The following XRN1 variants were observed in gnomAD, a reference collection of about 807,000 sequenced individuals.
XRN1 encodes 5'-3' exoribonuclease 1, also known as strand-exchange protein 1 homolog.
A neutral mutation model predicts 222.3 loss-of-function variants in XRN1; 67 were observed. That is an observed-to-expected ratio of 0.30 (90% confidence interval 0.25 to 0.37). The LOEUF (loss-of-function observed/expected upper bound fraction) is 0.37, where lower values mean the gene tolerates loss of function less well. XRN1 is among the 10% of genes least tolerant of loss of function. XRN1 has a pLI of 1.00. For missense variants in XRN1, 1,707 were observed against 2,000.2 expected (o/e 0.85, Z 2.80); for synonymous variants, 643 against 652.4 (o/e 0.99, Z 0.22).
intron 37 of XRN1, among the ~76,000 whole-genome samples, chr3:142,319,928 ACACG>A (rs1417606680): frequency 1.3e-5 from 2 of 151,966 alleles, no homozygotes; most frequent in African/African-American, 2.4e-5. Context: ...ACACACACAC[ACACG>A]CACGCACACA....
intron 27 of XRN1, among the ~76,000 whole-genome samples, chr3:142,369,074 G>C (rs1055853460): frequency 6.6e-6 from 1 of 152,172 alleles, no homozygotes; most frequent in Non-Finnish European, 1.5e-5. Flanking sequence ...GGTGTTAGGG[G>C]AGACAGCTCC....
chr3:142,347,429 A>T, intron 32 of XRN1, 87 bp from the exon 33 acceptor site: 1 of 874,222 alleles, frequency 1.1e-6, no homozygotes, highest in Non-Finnish European at 1.6e-6. Context: ...ACATTTTTAT[A>T]AAAATTATAT....
Position 142,384,683 on chromosome 3 carries a change from T to C in XRN1, c.2342A>G (p.Tyr781Cys), listed in dbSNP as rs774274467. Residue 781 changes from tyrosine (Y) to cysteine (C), a missense_variant and splice_region_variant, in exon 21 of 41, where the codon TAC becomes TGC. Tyr to Cys is a radical substitution (Grantham distance 194, BLOSUM62 -2). This residue lies in a region of XRN1 where 1,234 missense variants were observed against 1,518.2 expected (regional missense o/e 0.81). Transcript: ENST00000392981. Reference protein sequence around the residue: ...AKEVQGISEHYLRRKGIIINE... With the variant: ...AKEVQGISEHCLRRKGIIINE... ...TATTATTATTCCTTTTCTTCTCAGGTAGCTAAAATAAAGAATAAACATGAA... is the reference window on the plus strand; with the variant it reads ...TATTATTATTCCTTTTCTTCTCAGGCAGCTAAAATAAAGAATAAACATGAA... The C allele has an allele frequency of 8.8e-6, 14 of 1,582,448 alleles. No individual in the cohort carries two copies. The South Asian group carries it at 1.6e-4, about 19-fold the overall frequency.
rs761004184 is a variant in XRN1 at position 142,370,520 on chromosome 3, C to G, written c.3169G>C (p.Val1057Leu). 1.2e-6 allele frequency: 2 copies of G among 1,606,842 alleles called. No individual in the cohort carries two copies. The highest frequency in any genetic ancestry group is 1.7e-6 in the Non-Finnish European group (2 of 1,177,498). ...TCGACTTCTTCCTCAATTTTCTCAA[C>G]AATAGCTGCATCCAGAATTTGTAAA... is the stretch of plus-strand genomic sequence containing the variant. ...CDLQILDAAI[V>L]EKIEEEVEKC... Residue 1057 changes from valine (V) to leucine (L), a missense_variant, in exon 27 of 41, where the codon GTT (valine) becomes CTT (leucine). By Grantham distance (32) the Val-to-Leu change is conservative. Coordinates refer to ENST00000392981, the MANE Select transcript of XRN1 (RefSeq NM_001282857.2).
intron 39 of XRN1, 92 bp from the exon 40 acceptor site, chr3:142,312,850 T>A: frequency 8.0e-7 from 1 of 1,250,790 alleles, no homozygotes; most frequent in Non-Finnish European, 1.1e-6. Flanking sequence ...CTTTTTGGGC[T>A]TTTTTTTTCC....
At chr3:142,322,225 A>G (rs563371438) in intron 37 of XRN1, among the ~76,000 whole-genome samples, 20 of 152,210 alleles carry the variant, frequency 1.3e-4, no homozygotes, top group African/African-American at 4.3e-4. Flanking sequence ...ATATATGCAT[A>G]TATTTTTTAG....
chr3:142,334,830 C>T (rs2065807477), intron 34 of XRN1, among the ~76,000 whole-genome samples: 1 of 147,092 alleles, frequency 6.8e-6, no homozygotes, highest in Admixed American at 6.9e-5. Flanking sequence ...GGAGCAACTA[C>T]AAGTGATTAA....
At chr3:142,385,729 C>G (rs2067475541) in intron 20 of XRN1, among the ~76,000 whole-genome samples, 1 of 152,006 alleles carries the variant, frequency 6.6e-6, no homozygotes. Flanking sequence ...TTTCCATTTT[C>G]TCTTTCTAGA....
chr3:142,355,059 C>T (rs2066424493), intron 32 of XRN1, among the ~76,000 whole-genome samples: 1 of 145,726 alleles, frequency 6.9e-6, no homozygotes, highest in African/African-American at 2.6e-5. Context: ...GAATAACAGA[C>T]ACTGGGGGTT....
rs376690907 is a variant in XRN1, at chr3:142,384,685, G to A, written c.2340C>T (p.His780=). 3.2e-6 allele frequency: 5 copies of A among 1,580,166 alleles called. No homozygotes were observed. The African/African-American group carries it at 6.8e-5, about 22-fold the overall frequency. ...WAKEVQGISE[H]YLRRKGIIIN... ...TTATTATTCCTTTTCTTCTCAGGTA[G>A]CTAAAATAAAGAATAAACATGAAAT... is the stretch of plus-strand genomic sequence containing the variant. Residue 780 remains histidine (H), a splice_region_variant and synonymous_variant, in exon 21 of 41, where the codon CAC becomes CAT. Transcript: ENST00000392981.
In XRN1 at chr3:142,396,019, C is replaced by T. The variant is rs550148823; in HGVS notation, c.2339+1310G>A. On this transcript the variant is annotated intron_variant, in intron 20 of 40. Coordinates refer to ENST00000392981, the MANE Select transcript of XRN1 (RefSeq NM_001282857.2). ...AGCTAAGTCAAATGGTCTCAGAGCACTACTCCTTCAAGTGCAATTACCATA... is the reference window on the plus strand; with the variant it reads ...AGCTAAGTCAAATGGTCTCAGAGCATTACTCCTTCAAGTGCAATTACCATA... Among the ~76,000 whole-genome samples, 6 of 152,328 alleles carry T rather than the reference C, an allele frequency of 3.9e-5. 1 individual carries two copies. The South Asian group carries it at 1.2e-3, about 32-fold the overall frequency.
intron 19 of XRN1, among the ~76,000 whole-genome samples, 186 bp downstream of exon 19, chr3:142,400,256 AAG>A (rs1260548819): frequency 6.6e-6 from 1 of 152,240 alleles, no homozygotes; most frequent in African/African-American, 2.4e-5. Flanking sequence ...AAAATATCTC[AAG>A]AGAGGTACAA....
intron 1 of XRN1, among the ~76,000 whole-genome samples, chr3:142,444,507 G>A (rs2070408101): frequency 6.6e-6 from 1 of 152,140 alleles, no homozygotes; most frequent in Non-Finnish European, 1.5e-5. Flanking sequence ...TACTTGGGTG[G>A]CTAAGGCACA....
chr3:142,346,288 T>C (rs956111525), intron 33 of XRN1, among the ~76,000 whole-genome samples: 11 of 152,296 alleles, frequency 7.2e-5, no homozygotes, highest in African/African-American at 2.6e-4. Context: ...TCCACATATG[T>C]TCAAGTCCCT....
intron 32 of XRN1, among the ~76,000 whole-genome samples, chr3:142,355,025 G>A (rs7641297): frequency 0.037 from 5,626 of 151,296 alleles, 356 homozygotes; most frequent in African/African-American, 0.13. Flanking sequence ...GCTAAGCATT[G>A]GGGACACATG....
At chr3:142,428,882 G>C (rs1272011092) in intron 2 of XRN1, among the ~76,000 whole-genome samples, 2 of 152,116 alleles carry the variant, frequency 1.3e-5, no homozygotes, top group Non-Finnish European at 2.9e-5. Flanking sequence ...GATAAATTTG[G>C]AGTCATCAGC....
intron 33 of XRN1, 101 bp downstream of exon 33, chr3:142,347,133 A>AATGAATTTACTTTATGGTATGTAAATT: frequency 1.1e-6 from 1 of 882,272 alleles, no homozygotes; most frequent in South Asian, 1.7e-5. Flanking sequence ...ACTTTAAAAT[A>AATGAATTTACTTTATGGTATGTAAATT]ATGAATTTAC....
intron 20 of XRN1, among the ~76,000 whole-genome samples, chr3:142,392,011 G>T: frequency 1.3e-5 from 2 of 151,128 alleles, no homozygotes; most frequent in East Asian, 1.9e-4. Context: ...CCTTTTCCAG[G>T]TCTTCTTCCA....
At chr3:142,406,637 T>C (rs1295528446) in intron 15 of XRN1, among the ~76,000 whole-genome samples, 1 of 151,842 alleles carries the variant, frequency 6.6e-6, no homozygotes, top group Non-Finnish European at 1.5e-5. Flanking sequence ...AGTGATCCTC[T>C]CACTTCAGTC....
Sources: gnomAD v4.1 joint callset for allele counts (sites outside exome capture counted in the v4.1 genomes callset) on GRCh38, gnomAD v4.1.1 for gene constraint, gnomAD v4.1.1 regional missense constraint, MANE v1.5 for transcripts, NCBI Gene and HGNC (gene_info 2026-07-23, HGNC 2026-07-21) for gene names.